Variants in PIAS1 observed in about 807,000 individuals in gnomAD.
PIAS1 encodes E3 SUMO-protein ligase PIAS1.
Under a neutral mutation model 71.3 loss-of-function variants are expected in PIAS1, and 6 were observed. That is an observed-to-expected ratio of 0.08 (90% confidence interval 0.05 to 0.17). PIAS1 has a LOEUF of 0.17. Among genes scored for constraint, PIAS1 ranks in the 10% least tolerant of loss-of-function variants. The pLI, the probability that PIAS1 is intolerant of heterozygous loss-of-function variation, is 1.00. For synonymous variants in PIAS1, 303 were observed against 292.9 expected, an observed-to-expected ratio of 1.03 and a Z score of -0.35; for missense variants, 555 against 793.6, an observed-to-expected ratio of 0.70 and a Z score of 3.61.
chr15:68,176,645 A>G lies in PIAS1; in HGVS notation c.1472A>G (p.Asn491Ser), dbSNP rs537922403. ...CPSLSPTSPL[N>S]NKGILSLPHQ... is the part of the protein sequence containing the mutation. ...TCCCTATCTCCCACATCACCACTAAATAATAAAGGGTAAGTGCTGAGACAT... is the reference window on the plus strand; with the variant it reads ...TCCCTATCTCCCACATCACCACTAAGTAATAAAGGGTAAGTGCTGAGACAT... The change falls in exon 11 of 14, where the codon AAT becomes AGT. Residue 491 changes from asparagine to serine, a missense_variant. Coordinates refer to ENST00000249636, the MANE Select transcript of PIAS1 (RefSeq NM_016166.3). 3.2e-6 allele frequency: 5 copies of G among 1,585,078 alleles called. No homozygotes were observed. The East Asian group carries it at 1.1e-4, about 36-fold the overall frequency.
At chr15:68,134,476 T>C (rs1403587067) in intron 2 of PIAS1, among the ~76,000 whole-genome samples, 1 of 52,280 alleles carries the variant, frequency 1.9e-5, no homozygotes, top group Admixed American at 1.5e-4. Flanking sequence ...ACGGGGCGGC[T>C]GGCCGGGCGG....
chr15:68,116,085 C>T (rs1404292581), intron 2 of PIAS1, among the ~76,000 whole-genome samples: 2 of 148,890 alleles, frequency 1.3e-5, no homozygotes, highest in Admixed American at 1.3e-4. Context: ...TTTTTTTTGG[C>T]GAGGATGGGG....
At position 68,187,905 on chromosome 15, in the gene PIAS1, GCT is replaced by G; in HGVS notation, c.*73_*74del. ...CTTGGCAGAAAGAAGAGAACTTTGT[GCT>G]CTGTTTTACCTTACTCTGTTTAGAA... On this transcript the variant is annotated 3_prime_UTR_variant, in exon 14 of 14. Transcript: ENST00000249636. The surrounding 1 kb of genome is among the most constrained non-coding windows in gnomAD (Gnocchi z 5.3). The G allele has an allele frequency of 1.4e-6, 2 of 1,424,920 alleles. No individual in the cohort carries two copies. Among genetic ancestry groups the G allele is most frequent in the South Asian group, 1.3e-5 (1 of 79,046 alleles). The allele number at this position is 1,424,920 out of a possible 1,614,324, so 88.3% of individuals were successfully genotyped here.
chr15:68,124,931 T>C (rs1214528983), intron 2 of PIAS1, among the ~76,000 whole-genome samples: 1 of 152,208 alleles, frequency 6.6e-6, no homozygotes, highest in East Asian at 1.9e-4. Context: ...TTTTAGGCAT[T>C]GTATATTGAT....
At chr15:68,182,679 C>T (rs1447231251) in intron 12 of PIAS1, among the ~76,000 whole-genome samples, 2 of 152,178 alleles carry the variant, frequency 1.3e-5, no homozygotes, top group East Asian at 3.8e-4. Context: ...CTTCGCTTCC[C>T]AAAGTGCTGG....
chr15:68,089,797 C>A lies in PIAS1; in HGVS notation c.469+3047C>A, dbSNP rs775484930. ...TCTTGAGCTCCTGACCTCAGTTGATCCGCCCACCTCGGCCTCCCAAAGTGC... is the reference window on the plus strand; with the variant it reads ...TCTTGAGCTCCTGACCTCAGTTGATACGCCCACCTCGGCCTCCCAAAGTGC... On this transcript the variant is annotated intron_variant, in intron 2 of 13. Coordinates refer to ENST00000249636, the MANE Select transcript of PIAS1 (RefSeq NM_016166.3). Among the ~76,000 whole-genome samples, 23 of 152,100 alleles carry A rather than the reference C, an allele frequency of 1.5e-4. 1 individual carries two copies. Among genetic ancestry groups the A allele is most frequent in the South Asian group, 2.1e-4 (1 of 4,828 alleles).
chr15:68,065,906 G>C, intron 1 of PIAS1, among the ~76,000 whole-genome samples: 1 of 107,000 alleles, frequency 9.3e-6, no homozygotes, highest in African/African-American at 4.2e-5. Context: ...ATGCTCAGCT[G>C]ACTAAAAGCT....
At chr15:68,070,900 C>T (rs942371998) in intron 1 of PIAS1, among the ~76,000 whole-genome samples, 1 of 152,094 alleles carries the variant, frequency 6.6e-6, no homozygotes, top group Non-Finnish European at 1.5e-5. Context: ...GGATTACAGG[C>T]ATGAGCCACT....
At chr15:68,125,580 G>A (rs1290912674) in intron 2 of PIAS1, among the ~76,000 whole-genome samples, 2 of 152,128 alleles carry the variant, frequency 1.3e-5, no homozygotes, top group Non-Finnish European at 2.9e-5. Flanking sequence ...TTGATAATTT[G>A]GCTGGGTGTA....
At chr15:68,128,880 G>C (rs1000047197) in intron 2 of PIAS1, among the ~76,000 whole-genome samples, 1 of 151,836 alleles carries the variant, frequency 6.6e-6, no homozygotes, top group Non-Finnish European at 1.5e-5. Context: ...ATAAATAAAT[G>C]TTAGAAAAGA....
chr15:68,065,914 G>GTT (rs1567024257), intron 1 of PIAS1, among the ~76,000 whole-genome samples: 20 of 32,130 alleles, frequency 6.2e-4, no homozygotes, highest in Admixed American at 9.0e-4. Flanking sequence ...CTGACTAAAA[G>GTT]CTTTTTTTTT....
chr15:68,175,780 TC>T lies in PIAS1; in HGVS notation c.1300+14del. 1 of 1,590,456 alleles carries T rather than the reference TC, an allele frequency of 6.3e-7. No homozygotes were observed. The highest frequency in any genetic ancestry group is 1.1e-5 in the South Asian group (1 of 87,408). On this transcript the variant is annotated intron_variant, in intron 10 of 13. Coordinates refer to ENST00000249636, the MANE Select transcript of PIAS1 (RefSeq NM_016166.3). The stretch of plus-strand genomic sequence containing the variant: ...AATGGAGTCGATGGTGAGTAGTTCT[TC>T]ACAAGGAAGAGGCAGTCTCCCTACT...
At chr15:68,161,350 ATTG>A (rs1222045257) in intron 7 of PIAS1, among the ~76,000 whole-genome samples, 1 of 152,202 alleles carries the variant, frequency 6.6e-6, no homozygotes, top group Non-Finnish European at 1.5e-5. Flanking sequence ...GAAAGATTCT[ATTG>A]TTGTATGTCA....
At chr15:68,145,380 G>A (rs771094400) in intron 4 of PIAS1, among the ~76,000 whole-genome samples, 3 of 152,108 alleles carry the variant, frequency 2.0e-5, no homozygotes, top group Non-Finnish European at 2.9e-5. Flanking sequence ...ACAGGTGGTA[G>A]GTCTTCCTCT....
intron 2 of PIAS1, among the ~76,000 whole-genome samples, chr15:68,101,337 T>G (rs1413717708): frequency 1.3e-5 from 2 of 151,930 alleles, no homozygotes; most frequent in African/African-American, 4.8e-5. Context: ...GCAGTGTTTT[T>G]TTTTTTTTTT....
At chr15:68,127,302 A>T (rs768461451) in intron 2 of PIAS1, among the ~76,000 whole-genome samples, 1 of 152,104 alleles carries the variant, frequency 6.6e-6, no homozygotes, top group Non-Finnish European at 1.5e-5. Context: ...GAGCAGTTCT[A>T]TCTGACTTTT....
chr15:68,187,906 C>T lies in PIAS1; in HGVS notation c.*71C>T. 2 of 1,403,176 alleles carry T rather than the reference C, an allele frequency of 1.4e-6. No homozygotes were observed. The highest frequency in any genetic ancestry group is 9.8e-7 in the Non-Finnish European group (1 of 1,015,500). The allele number at this position is 1,403,176 out of a possible 1,614,324, so 86.9% of individuals were successfully genotyped here. ...TTGGCAGAAAGAAGAGAACTTTGTG[C>T]TCTGTTTTACCTTACTCTGTTTAGA... On this transcript the variant is annotated 3_prime_UTR_variant, in exon 14 of 14. Transcript: ENST00000249636. This position sits in a 1 kb window ranked among gnomAD's most constrained non-coding sequence, Gnocchi z 5.3.
intron 2 of PIAS1, among the ~76,000 whole-genome samples, chr15:68,129,345 G>A (rs946072725): frequency 2.0e-5 from 3 of 152,124 alleles, no homozygotes; most frequent in Non-Finnish European, 4.4e-5. Context: ...TGGGTTGACA[G>A]ACCTGAGCCA....
chr15:68,157,718 T>C (rs565708663), intron 7 of PIAS1, among the ~76,000 whole-genome samples: 1 of 152,284 alleles, frequency 6.6e-6, no homozygotes, highest in African/African-American at 2.4e-5. Flanking sequence ...AGTTTTATCT[T>C]GGGTGCACTT....
Sources: gnomAD v4.1 joint callset for allele counts (sites outside exome capture counted in the v4.1 genomes callset) on GRCh38, gnomAD v4.1.1 for gene constraint, Gnocchi (gnomAD v3.1) non-coding constraint, MANE v1.5 for transcripts, NCBI Gene and HGNC (gene_info 2026-07-23, HGNC 2026-07-21) for gene names.